The following EAPP variants were observed in gnomAD, a reference collection of about 807,000 sequenced individuals.
EAPP encodes the protein E2F associated phosphoprotein.
In EAPP, 38 loss-of-function variants were observed where a neutral mutation model predicts 34.3. That is an observed-to-expected ratio of 1.11 (90% CI 0.85 to 1.45). EAPP has a LOEUF of 1.45. Among genes scored for constraint, EAPP ranks in the 40% most tolerant of loss-of-function variants. The pLI is 0.00. For missense variants in EAPP, 338 were observed against 343.7 expected (o/e 0.98, Z 0.13); for synonymous variants, 113 against 117.6 (o/e 0.96, Z 0.25).
chr14:34,532,075 CAA>C (rs757235021), intron 3 of EAPP, among the ~76,000 whole-genome samples: 13 of 67,004 alleles, frequency 1.9e-4, no homozygotes, highest in Admixed American at 5.0e-4. Flanking sequence ...GACTCCGTCT[CAA>C]AAAAAAAAAA....
intron 3 of EAPP, among the ~76,000 whole-genome samples, chr14:34,531,554 A>G (rs1377152558): frequency 6.6e-6 from 1 of 152,086 alleles, no homozygotes; most frequent in Admixed American, 6.6e-5. Context: ...GTGAGCTGAG[A>G]TGACGCCACT....
intron 1 of EAPP, 27 bp downstream of exon 1, chr14:34,539,528 G>T: frequency 6.2e-7 from 1 of 1,603,046 alleles, no homozygotes. Flanking sequence ...CCAAATCCTC[G>T]GGGGCCAGGG....
intron 5 of EAPP, among the ~76,000 whole-genome samples, chr14:34,520,476 C>G (rs1427328076): frequency 1.2e-4 from 19 of 152,076 alleles, no homozygotes. Flanking sequence ...TCCCAAAGTG[C>G]TAGGATTACA....
In EAPP at chr14:34,516,317, T is replaced by C. The variant is rs1478729569; in HGVS notation, c.851A>G (p.His284Arg). ...AAATGCCAGTTGGGCTGTTTAGGAA[T>C]GGCTTGCTAAAACATTGAAAAAATG... Reference protein sequence around the residue: ...VFHFFNVLASHS With the variant: ...VFHFFNVLASRS Residue 284 changes from histidine to arginine, a missense_variant, in exon 6 of 6, where the codon CAT (histidine) becomes CGT (arginine). Transcript: ENST00000250454. 1.9e-5 allele frequency: 31 copies of C among 1,610,176 alleles called. No homozygotes were observed. The highest frequency in any genetic ancestry group is 2.4e-5 in the Non-Finnish European group (28 of 1,177,822).
intron 5 of EAPP, among the ~76,000 whole-genome samples, chr14:34,522,914 G>C (rs931956576): frequency 6.6e-6 from 1 of 152,088 alleles, no homozygotes; most frequent in African/African-American, 2.4e-5. Context: ...TCTTACCAGA[G>C]AACTCAAAAA....
intron 4 of EAPP, among the ~76,000 whole-genome samples, 154 bp from the exon 5 acceptor site, chr14:34,524,961 C>T (rs1028605552): frequency 1.3e-5 from 2 of 151,794 alleles, no homozygotes; most frequent in African/African-American, 4.8e-5. Context: ...TCTTTTAGTG[C>T]CAGAAAAGAA....
intron 2 of EAPP, among the ~76,000 whole-genome samples, chr14:34,535,408 G>C (rs1324196312): frequency 6.8e-6 from 1 of 147,172 alleles, no homozygotes; most frequent in Non-Finnish European, 1.5e-5. Context: ...AGGATTACAG[G>C]TGTGAGCCAC....
chr14:34,538,426 T>C (rs890677839), intron 1 of EAPP, among the ~76,000 whole-genome samples: 1 of 152,112 alleles, frequency 6.6e-6, no homozygotes, highest in Non-Finnish European at 1.5e-5. Context: ...CATATATACA[T>C]ACCTCCTTTC....
intron 4 of EAPP, among the ~76,000 whole-genome samples, chr14:34,528,253 C>T (rs1324634315): frequency 6.6e-6 from 1 of 151,908 alleles, no homozygotes; most frequent in Non-Finnish European, 1.5e-5. Flanking sequence ...CCAGGCTGGT[C>T]TTGAACTCCT....
chr14:34,519,865 A>G (rs1160916492), intron 5 of EAPP, among the ~76,000 whole-genome samples: 2 of 150,534 alleles, frequency 1.3e-5, no homozygotes, highest in African/African-American at 4.9e-5. Flanking sequence ...ACTTACAGTT[A>G]TAACAAGGTT....
chr14:34,536,630 GT>G (rs918272109), intron 1 of EAPP, among the ~76,000 whole-genome samples: 11 of 151,698 alleles, frequency 7.3e-5, no homozygotes, highest in Admixed American at 3.3e-4. Flanking sequence ...ATTCCCAGCT[GT>G]TTTTTTGTTT....
At chr14:34,520,723 A>C (rs1181450003) in intron 5 of EAPP, among the ~76,000 whole-genome samples, 2 of 151,340 alleles carry the variant, frequency 1.3e-5, no homozygotes, top group Non-Finnish European at 2.9e-5. Flanking sequence ...GGCTTGTCTC[A>C]AACTCCCTGC....
At chr14:34,531,212 C>T (rs1310453920) in intron 3 of EAPP, among the ~76,000 whole-genome samples, 1 of 151,964 alleles carries the variant, frequency 6.6e-6, no homozygotes, top group African/African-American at 2.4e-5. Context: ...GGCTGAGGCA[C>T]CAGAATCGCT....
chr14:34,525,770 A>C (rs1228421743), intron 4 of EAPP, among the ~76,000 whole-genome samples: 8 of 152,244 alleles, frequency 5.3e-5, no homozygotes, highest in Admixed American at 4.6e-4. Flanking sequence ...CTGTAATCCC[A>C]GCACTTTGGG....
At chr14:34,529,042 A>C (rs545039605) in intron 4 of EAPP, among the ~76,000 whole-genome samples, 1 of 152,220 alleles carries the variant, frequency 6.6e-6, no homozygotes, top group East Asian at 1.9e-4. Flanking sequence ...AAGCTGAGGC[A>C]GGAGAATCTC....
At chr14:34,527,522 G>T (rs1880136010) in intron 4 of EAPP, among the ~76,000 whole-genome samples, 1 of 152,136 alleles carries the variant, frequency 6.6e-6, no homozygotes, top group South Asian at 2.1e-4. Context: ...CTTAAAAAAA[G>T]GTGGGGGCAG....
At chr14:34,523,517 G>A (rs551087560) in intron 5 of EAPP, among the ~76,000 whole-genome samples, 4 of 142,560 alleles carry the variant, frequency 2.8e-5, no homozygotes, top group East Asian at 2.1e-4. Flanking sequence ...GAGCCACCAC[G>A]CCCAGCCCGT....
intron 3 of EAPP, among the ~76,000 whole-genome samples, chr14:34,532,224 G>A (rs1299136370): frequency 6.6e-6 from 1 of 151,958 alleles, no homozygotes; most frequent in Non-Finnish European, 1.5e-5. Context: ...TTGGGAGGCT[G>A]AGGCGGGTGG....
chr14:34,526,666 T>A (rs1451016200), intron 4 of EAPP, among the ~76,000 whole-genome samples: 1 of 151,506 alleles, frequency 6.6e-6, no homozygotes, highest in African/African-American at 2.4e-5. Context: ...TAGGAGGGGA[T>A]TGCTTGAGCC....
Sources: allele counts gnomAD v4.1 joint callset (sites outside exome capture counted in the v4.1 genomes callset), GRCh38; gene constraint gnomAD v4.1.1; transcripts MANE v1.5; gene names NCBI Gene and HGNC (gene_info 2026-07-23, HGNC 2026-07-21).